NSD1: variants seen among roughly 807,000 people sequenced by gnomAD.
The protein encoded by NSD1 is histone-lysine N-methyltransferase, H3 lysine-36 specific.
In NSD1, 26 loss-of-function variants were observed where a neutral mutation model predicts 242.7. That is an observed-to-expected ratio of 0.11 (90% confidence interval 0.08 to 0.15). The LOEUF (loss-of-function observed/expected upper bound fraction) is 0.15, where lower values mean the gene tolerates loss of function less well. NSD1 is among the 10% of genes least tolerant of loss of function. NSD1 has a pLI of 1.00. For synonymous variants in NSD1, 1,106 were observed against 1,178.1 expected, an observed-to-expected ratio of 0.94 and a Z score of 1.25; for missense variants, 2,495 against 3,272.8, an observed-to-expected ratio of 0.76 and a Z score of 5.80.
intron 3 of NSD1, among the ~76,000 whole-genome samples, chr5:177,193,835 C>T (rs558672836): frequency 2.0e-5 from 3 of 152,084 alleles, no homozygotes; most frequent in Admixed American, 2.0e-4. Context: ...AGTGCAGTGG[C>T]GCAATTTCGG....
intron 5 of NSD1, among the ~76,000 whole-genome samples, chr5:177,219,199 T>C (rs1764041485): frequency 6.6e-6 from 1 of 152,038 alleles, no homozygotes; most frequent in Admixed American, 6.6e-5. Context: ...TTGTGTTTTT[T>C]TTTTTGAGAG....
At chr5:177,151,899 C>T (rs894160634) in intron 2 of NSD1, among the ~76,000 whole-genome samples, 4 of 150,338 alleles carry the variant, frequency 2.7e-5, no homozygotes, top group Admixed American at 2.7e-4. Context: ...CTTGCCCCAT[C>T]GCCCAGGCTG....
chr5:177,164,841 G>T (rs1759053261), intron 2 of NSD1, among the ~76,000 whole-genome samples: 1 of 151,786 alleles, frequency 6.6e-6, no homozygotes. Context: ...TACTCAGGAA[G>T]CTGAGGCAGG....
chr5:177,286,064 T>G (rs774611449), intron 20 of NSD1, among the ~76,000 whole-genome samples: 1 of 151,992 alleles, frequency 6.6e-6, no homozygotes, highest in Non-Finnish European at 1.5e-5. Flanking sequence ...CCCGGCTATT[T>G]TTTGGTATTT....
In NSD1 at chr5:177,184,010, G is replaced by T. The variant is rs377276199; in HGVS notation, c.928-7874G>T. Among the ~76,000 whole-genome samples the T allele has an allele frequency of 7.9e-5, 12 of 152,226 alleles. No individual in the cohort carries two copies. In the East Asian group the frequency reaches 2.1e-3, roughly 27 times the overall value. On this transcript the variant is annotated intron_variant, in intron 2 of 22. Transcript: ENST00000439151. The stretch of plus-strand genomic sequence containing the variant: ...CTGAATAACACTCCATTATGTATAT[G>T]TACCACATTTGCTTTATTTATTCAT...
chr5:177,158,953 TATATATATACACACAC>T (rs1044784348), intron 2 of NSD1, among the ~76,000 whole-genome samples: 11 of 131,720 alleles, frequency 8.4e-5, no homozygotes, highest in Non-Finnish European at 9.1e-5. Flanking sequence ...TATACACACA[TATATATATACACACAC>T]ATATATACAC....
intron 14 of NSD1, chr5:177,266,084 G>T: frequency 8.9e-7 from 1 of 1,126,568 alleles, no homozygotes; most frequent in Non-Finnish European, 1.4e-6. Context: ...CCGGTCCTCG[G>T]TGGCCGTCAC....
At chr5:177,218,527 G>GA (rs1763967606) in intron 5 of NSD1, among the ~76,000 whole-genome samples, 1 of 149,804 alleles carries the variant, frequency 6.7e-6, no homozygotes, top group Non-Finnish European at 1.5e-5. Context: ...TTGAACCATC[G>GA]TTGCATTCCA....
At chr5:177,251,120 G>T (rs1255465457) in intron 11 of NSD1, among the ~76,000 whole-genome samples, 2 of 151,934 alleles carry the variant, frequency 1.3e-5, no homozygotes, top group African/African-American at 2.4e-5. Context: ...AACCCGGGTG[G>T]CAGAGGTGGC....
intron 2 of NSD1, among the ~76,000 whole-genome samples, chr5:177,150,879 A>C (rs988881397): frequency 1.3e-5 from 2 of 152,224 alleles, no homozygotes; most frequent in Non-Finnish European, 2.9e-5. Flanking sequence ...TGAAAATAAC[A>C]GACATTAATG....
intron 2 of NSD1, among the ~76,000 whole-genome samples, chr5:177,166,552 A>AG (rs1407328099): frequency 6.6e-6 from 1 of 151,884 alleles, no homozygotes; most frequent in African/African-American, 2.4e-5. Flanking sequence ...CTGAAAAAAA[A>AG]AAAAAGTTTT....
intron 5 of NSD1, among the ~76,000 whole-genome samples, chr5:177,228,257 TTTC>T (rs576109624): frequency 4.6e-5 from 7 of 151,462 alleles, no homozygotes; most frequent in Non-Finnish European, 1.0e-4. Context: ...TTTTTTTCTT[TTTC>T]TTTTCTTTTT....
At chr5:177,139,280 A>G (rs2149761157) in intron 2 of NSD1, among the ~76,000 whole-genome samples, 1 of 151,256 alleles carries the variant, frequency 6.6e-6, no homozygotes, top group African/African-American at 2.4e-5. Flanking sequence ...CCTGGCCGAC[A>G]TGGTGAAACC....
At chr5:177,140,508 G>A (rs1351327178) in intron 2 of NSD1, among the ~76,000 whole-genome samples, 1 of 152,030 alleles carries the variant, frequency 6.6e-6, no homozygotes. Context: ...TAGGATGTAG[G>A]GTATGTTGCA....
chr5:177,160,168 G>A (rs1250888241), intron 2 of NSD1, among the ~76,000 whole-genome samples: 1 of 152,182 alleles, frequency 6.6e-6, no homozygotes, highest in East Asian at 1.9e-4. Flanking sequence ...TGGGATTACA[G>A]GCATGAGCTA....
At chr5:177,271,775 T>A (rs1757960058) in intron 16 of NSD1, among the ~76,000 whole-genome samples, 1 of 152,026 alleles carries the variant, frequency 6.6e-6, no homozygotes, top group Non-Finnish European at 1.5e-5. Flanking sequence ...GCCTGGGACA[T>A]TGTTGGGACC....
intron 17 of NSD1, among the ~76,000 whole-genome samples, chr5:177,278,414 C>T (rs892490687): frequency 3.9e-5 from 6 of 152,154 alleles, no homozygotes; most frequent in African/African-American, 1.4e-4. Flanking sequence ...CTGGCCTCCT[C>T]CTGTTAAATG....
rs562628272 is a variant in NSD1, at chr5:177,256,396, C to T, written c.4766-555C>T. Among the ~76,000 whole-genome samples the T allele has an allele frequency of 1.5e-3, 234 of 151,548 alleles. 2 individuals are homozygous for T. Among genetic ancestry groups the T allele is most frequent in the Non-Finnish European group, 2.7e-3 (185 of 67,948 alleles). On this transcript the variant is annotated intron_variant, in intron 12 of 22. Transcript: ENST00000439151. ...CTTCCAGGCTCAAGCAATCCTCCTG[C>T]CTCAGCCTCTTGAGTAGCTGGGACC...
chr5:177,136,090 A>G (rs779502557), intron 2 of NSD1, 60 bp downstream of exon 2: 1 of 1,413,324 alleles, frequency 7.1e-7, no homozygotes, highest in East Asian at 2.4e-5. Flanking sequence ...AGGCCACTTA[A>G]AGGGAAACTT....
Sources: allele counts gnomAD v4.1 joint callset (sites outside exome capture counted in the v4.1 genomes callset), GRCh38; gene constraint gnomAD v4.1.1; transcripts MANE v1.5; gene names NCBI Gene and HGNC (gene_info 2026-07-23, HGNC 2026-07-21).